DGKI: variants seen among roughly 807,000 people sequenced by gnomAD.
DGKI encodes the protein diacylglycerol kinase iota, also known as DAG kinase iota.
A neutral mutation model predicts 147.5 loss-of-function variants in DGKI; 55 were observed. The ratio of observed to expected loss-of-function variants is 0.37; its 90% CI spans 0.30 to 0.47. The LOEUF (loss-of-function observed/expected upper bound fraction) is 0.47, where lower values mean the gene tolerates loss of function less well. Among genes scored for constraint, DGKI ranks in the 20% least tolerant of loss-of-function variants. DGKI has a pLI of 1.00. For synonymous variants in DGKI, 469 were observed against 477.1 expected (o/e 0.98, Z 0.22); for missense variants, 1,007 against 1,323.8 (o/e 0.76, Z 3.71).
At chr7:137,488,394 T>C (rs1221039849) in intron 21 of DGKI, among the ~76,000 whole-genome samples, 5 of 152,184 alleles carry the variant, frequency 3.3e-5, no homozygotes, top group East Asian at 1.9e-4. Flanking sequence ...GACTAAGTTA[T>C]GCACCTTATA....
At chr7:137,465,364 TTC>T (rs1200614086) in intron 26 of DGKI, among the ~76,000 whole-genome samples, 1 of 152,192 alleles carries the variant, frequency 6.6e-6, no homozygotes, top group African/African-American at 2.4e-5. Flanking sequence ...CGCCAAACAA[TTC>T]TCTGAGTGAG....
intron 20 of DGKI, among the ~76,000 whole-genome samples, chr7:137,546,127 C>T (rs574676536): frequency 4.6e-5 from 7 of 152,116 alleles, no homozygotes; most frequent in African/African-American, 1.4e-4. Context: ...AAGCCAGCCA[C>T]GGAAATAATC....
In DGKI at chr7:137,405,142, C is replaced by G. The variant is rs575464080; in HGVS notation, c.2920+2733G>C. Among the ~76,000 whole-genome samples, 5 of 152,210 alleles carry G rather than the reference C, an allele frequency of 3.3e-5. No individual in the cohort carries two copies. The South Asian group carries it at 1.0e-3, about 32-fold the overall frequency. ...GGGCACAGGACTCATCATTCATGTC[C>G]CTGGGGCAACTCAGATGAGGAGTTC... On this transcript the variant is annotated intron_variant, in intron 30 of 32. Transcript: ENST00000614521.
chr7:137,792,081 T>C (rs1193966327), intron 1 of DGKI, among the ~76,000 whole-genome samples: 4 of 152,160 alleles, frequency 2.6e-5, no homozygotes, highest in Non-Finnish European at 4.4e-5. Context: ...GCATGAGCCA[T>C]AGGTCTAGAA....
At chr7:137,720,843 A>G (rs182818247) in intron 1 of DGKI, among the ~76,000 whole-genome samples, 1 of 152,192 alleles carries the variant, frequency 6.6e-6, no homozygotes. Context: ...CAGGTAATGC[A>G]TACAAATTTA....
chr7:137,824,554 T>C lies in DGKI; in HGVS notation c.401+21908A>G, dbSNP rs181129004. ...AGAAAAAGAAAAGAAAATGGAATTA[T>C]TGGGTTTTATTTAAAGCCCTGTCAT... is the stretch of plus-strand genomic sequence containing the variant. On this transcript the variant is annotated intron_variant, in intron 1 of 32. Transcript: ENST00000614521. Among the ~76,000 whole-genome samples the C allele has an allele frequency of 2.0e-5, 3 of 151,902 alleles. No homozygotes were observed. In the East Asian group the frequency reaches 5.8e-4, roughly 29 times the overall value.
At chr7:137,672,625 G>A (rs1165934370) in intron 3 of DGKI, among the ~76,000 whole-genome samples, 1 of 152,102 alleles carries the variant, frequency 6.6e-6, no homozygotes, top group Non-Finnish European at 1.5e-5. Context: ...AAGGCTTGGA[G>A]GGAGAATGAA....
chr7:137,424,936 C>G (rs938269557), intron 28 of DGKI, among the ~76,000 whole-genome samples: 4 of 152,218 alleles, frequency 2.6e-5, no homozygotes, highest in African/African-American at 7.2e-5. Context: ...CTGCCTGCCT[C>G]TGTAGGCTCC....
At position 137,640,269 on chromosome 7, in the gene DGKI, G is replaced by T. The variant is rs535960377; in HGVS notation, c.804+5203C>A. On this transcript the variant is annotated intron_variant, in intron 6 of 32. Coordinates refer to ENST00000614521, the MANE Select transcript of DGKI (RefSeq NM_001321708.2). Reference sequence around the variant, plus strand: ...ACACTACATGATGCCACTAGTATGAGAAATCTAAAATAGTCAAAACTCATA... The same window carrying T: ...ACACTACATGATGCCACTAGTATGATAAATCTAAAATAGTCAAAACTCATA... Among the ~76,000 whole-genome samples the T allele has an allele frequency of 1.1e-3, 172 of 152,212 alleles. 2 individuals are homozygous for T. Among genetic ancestry groups the T allele is most frequent in the Admixed American group, 0.011 (161 of 15,278 alleles).
At chr7:137,820,717 T>C (rs578120833) in intron 1 of DGKI, among the ~76,000 whole-genome samples, 17 of 152,134 alleles carry the variant, frequency 1.1e-4, no homozygotes, top group African/African-American at 3.1e-4. Context: ...GAAAACCCCG[T>C]GTCTGATCAT....
Position 137,689,198 on chromosome 7 carries a change from T to G in DGKI, c.510+696A>C, listed in dbSNP as rs544337532. ...GGCTGGCAGAACTTCAGGGAAGCCCTTCTCTCCCTTGATACCTTTTCCTCA... is the reference window on the plus strand; with the variant it reads ...GGCTGGCAGAACTTCAGGGAAGCCCGTCTCTCCCTTGATACCTTTTCCTCA... On this transcript the variant is annotated intron_variant, in intron 2 of 32. Coordinates refer to ENST00000614521, the MANE Select transcript of DGKI (RefSeq NM_001321708.2). Among the ~76,000 whole-genome samples, 16 of 152,314 alleles carry G rather than the reference T, an allele frequency of 1.1e-4. 1 individual carries two copies. The highest frequency in any genetic ancestry group is 6.2e-4 in the South Asian group (3 of 4,828).
rs1409694931 is a variant in DGKI, at chr7:137,626,721, G to T, written c.805-3167C>A. ...CAGCAGAAGCCGGGGTGAGACCCGA[G>T]TGCCTCTGTCCAGTCCGGTATCACG... On this transcript the variant is annotated intron_variant, in intron 6 of 32. Transcript: ENST00000614521. Among the ~76,000 whole-genome samples, 3 of 152,164 alleles carry T rather than the reference G, an allele frequency of 2.0e-5. No homozygotes were observed. The East Asian group carries it at 5.8e-4, about 29-fold the overall frequency.
At position 137,689,877 on chromosome 7, in the gene DGKI, A is replaced by T. The variant is rs768325487; in HGVS notation, c.510+17T>A. 4.7e-6 allele frequency: 7 copies of T among 1,489,474 alleles called. No homozygotes were observed. The East Asian group carries it at 9.8e-5, about 21-fold the overall frequency. The allele number at this position is 1,489,474 out of a possible 1,614,324, so 92.3% of individuals were successfully genotyped here. A position where few individuals can be genotyped will look rare whatever the true frequency, so the allele number is the denominator to read the frequency against. On this transcript the variant is annotated intron_variant, in intron 2 of 32. Coordinates refer to ENST00000614521, the MANE Select transcript of DGKI (RefSeq NM_001321708.2). ...CATGCACTGAAGTGATGTTTAAATG[A>T]AAAGGCCAACACCTACACTCCAGTC...
chr7:137,538,499 G>A (rs527929441), intron 20 of DGKI, among the ~76,000 whole-genome samples: 1 of 152,298 alleles, frequency 6.6e-6, no homozygotes, highest in East Asian at 1.9e-4. Flanking sequence ...CAATTTAGCA[G>A]TGGGATATAT....
intron 27 of DGKI, among the ~76,000 whole-genome samples, chr7:137,444,716 T>C (rs1813645843): frequency 6.6e-6 from 1 of 152,210 alleles, no homozygotes; most frequent in African/African-American, 2.4e-5. Flanking sequence ...GCAAACTATA[T>C]GTGAGTTCTG....
At chr7:137,392,641 G>T (rs1056765022) in intron 32 of DGKI, among the ~76,000 whole-genome samples, 19 of 152,302 alleles carry the variant, frequency 1.2e-4, no homozygotes, top group African/African-American at 4.6e-4. Flanking sequence ...TTGGGATTTA[G>T]CCGTTAACCA....
intron 5 of DGKI, 122 bp downstream of exon 5, chr7:137,654,610 A>T: frequency 2.7e-6 from 2 of 744,968 alleles, no homozygotes; most frequent in Non-Finnish European, 4.6e-6. Flanking sequence ...GTGTTAACAA[A>T]AAATTGGCAT....
chr7:137,419,884 T>G (rs1277530659), intron 28 of DGKI, among the ~76,000 whole-genome samples: 1 of 152,240 alleles, frequency 6.6e-6, no homozygotes, highest in Middle Eastern at 3.2e-3. Flanking sequence ...AAGATTATTC[T>G]TCTAATGACA....
intron 20 of DGKI, among the ~76,000 whole-genome samples, chr7:137,528,777 C>A (rs1401327483): frequency 6.6e-6 from 1 of 152,162 alleles, no homozygotes; most frequent in East Asian, 1.9e-4. Context: ...GCTTGATCCT[C>A]ACCAAGCAGT....
Sources: gnomAD v4.1 joint callset for allele counts (sites outside exome capture counted in the v4.1 genomes callset) on GRCh38, gnomAD v4.1.1 for gene constraint, MANE v1.5 for transcripts, NCBI Gene and HGNC (gene_info 2026-07-23, HGNC 2026-07-21) for gene names.